SPON1: variants seen among roughly 807,000 people sequenced by gnomAD.
SPON1 encodes the protein spondin 1, also known as spondin-1.
SPON1 carries 52 observed loss-of-function variants against 111.7 expected under a neutral mutation model. That is an observed-to-expected ratio of 0.47 (90% confidence interval 0.37 to 0.59). The LOEUF is 0.59. Among genes scored for constraint, SPON1 ranks in the 20% least tolerant of loss-of-function variants. The probability of loss-of-function intolerance (pLI) is 0.00; values close to 1 mark genes in which losing one functional copy is unlikely to be tolerated. For synonymous variants in SPON1, 410 were observed against 395.8 expected (o/e 1.04, Z -0.43); for missense variants, 957 against 1,068.5 (o/e 0.90, Z 1.46).
In SPON1 at chr11:14,155,808, T is replaced by A. The variant is rs1192041557; in HGVS notation, c.825+20240T>A. Among the ~76,000 whole-genome samples the A allele has an allele frequency of 1.1e-4, 14 of 123,666 alleles. 3 individuals carry two copies. The highest frequency in any genetic ancestry group is 2.0e-4 in the Non-Finnish European group (11 of 54,944). 81.1% of individuals were successfully genotyped at this position (123,666 alleles called of 152,430 possible). A position where few individuals can be genotyped will look rare whatever the true frequency, so the allele number is the denominator to read the frequency against. On this transcript the variant is annotated intron_variant, in intron 6 of 15. Coordinates refer to ENST00000576479, the MANE Select transcript of SPON1 (RefSeq NM_006108.4). ...GAATAATGATTTCCAATTTCATCCA[T>A]GTCCCTCAAAGGACATGAACTCATC...
chr11:13,990,836 A>C (rs536301462), intron 2 of SPON1, among the ~76,000 whole-genome samples: 4 of 152,300 alleles, frequency 2.6e-5, no homozygotes, highest in Admixed American at 6.5e-5. Context: ...TATGAAGCTT[A>C]GTTTGGCTGG....
chr11:14,178,045 A>ACACACACACACACACAC (rs1848197407), intron 6 of SPON1, among the ~76,000 whole-genome samples: 44 of 142,698 alleles, frequency 3.1e-4, no homozygotes, highest in East Asian at 1.7e-3. Flanking sequence ...CACACACACA[A>ACACACACACACACACAC]ACACACACAC....
intron 2 of SPON1, among the ~76,000 whole-genome samples, chr11:14,011,631 C>T (rs1554913756): frequency 6.6e-6 from 1 of 152,126 alleles, no homozygotes; most frequent in African/African-American, 2.4e-5. Context: ...TTCTACATGG[C>T]TTATGAGGCC....
At chr11:14,250,819 T>C (rs914497671) in intron 7 of SPON1, among the ~76,000 whole-genome samples, 12 of 152,248 alleles carry the variant, frequency 7.9e-5, no homozygotes, top group African/African-American at 2.9e-4. Flanking sequence ...CATTTAATTA[T>C]TTTTATTATA....
At chr11:14,254,980 AG>A (rs1399105062) in intron 8 of SPON1, among the ~76,000 whole-genome samples, 11 of 152,312 alleles carry the variant, frequency 7.2e-5, no homozygotes, top group African/African-American at 2.2e-4. Context: ...AGCATTCCAA[AG>A]CCATGACTGC....
intron 6 of SPON1, among the ~76,000 whole-genome samples, chr11:14,201,137 G>A (rs945774289): frequency 7.2e-5 from 11 of 151,904 alleles, no homozygotes; most frequent in Non-Finnish European, 1.3e-4. Context: ...TCAGGAGGTC[G>A]AGACCATCCT....
chr11:14,200,766 G>A (rs1848452741), intron 6 of SPON1, among the ~76,000 whole-genome samples: 1 of 127,242 alleles, frequency 7.9e-6, no homozygotes, highest in South Asian at 2.6e-4. Context: ...AGTGAGCCAA[G>A]ATCACGCCAC....
intron 3 of SPON1, among the ~76,000 whole-genome samples, chr11:14,046,116 G>T (rs1362178001): frequency 6.6e-6 from 1 of 152,304 alleles, no homozygotes; most frequent in East Asian, 1.9e-4. Context: ...AATGGTGGGG[G>T]CAAAATAACA....
At chr11:14,097,054 A>G (rs1849107390) in intron 5 of SPON1, among the ~76,000 whole-genome samples, 1 of 152,022 alleles carries the variant, frequency 6.6e-6, no homozygotes, top group Non-Finnish European at 1.5e-5. Context: ...GCTTCCTTCC[A>G]TTGCTCACCT....
At chr11:14,115,288 G>A (rs1554925866) in intron 5 of SPON1, among the ~76,000 whole-genome samples, 2 of 152,244 alleles carry the variant, frequency 1.3e-5, no homozygotes, top group East Asian at 3.9e-4. Context: ...TTTTATTGAA[G>A]CATAACATAT....
At chr11:14,134,042 C>CTTTTTTTT (rs5789824) in intron 5 of SPON1, among the ~76,000 whole-genome samples, 1 of 142,026 alleles carries the variant, frequency 7.0e-6, no homozygotes, top group African/African-American at 2.6e-5. Flanking sequence ...TTCTTTCTTT[C>CTTTTTTTT]TTTTTTTTTT....
intron 6 of SPON1, among the ~76,000 whole-genome samples, chr11:14,236,086 G>T (rs1564937747): frequency 6.6e-6 from 1 of 152,168 alleles, no homozygotes. Context: ...GAGATGCAAA[G>T]CCACTGGAGG....
rs150335040 is a variant in SPON1 at position 14,067,612 on chromosome 11, T to C, written c.480-7733T>C. Among the ~76,000 whole-genome samples the C allele has an allele frequency of 1.1e-4, 16 of 152,330 alleles. No homozygotes were observed. The East Asian group carries it at 3.1e-3, about 29-fold the overall frequency. On this transcript the variant is annotated intron_variant, in intron 3 of 15. Coordinates refer to ENST00000576479, the MANE Select transcript of SPON1 (RefSeq NM_006108.4). ...CAAAACTTCCTCAGAAGGATCTCTT[T>C]TAGGTGTGCAGCTCTACTGCGAAGT...
chr11:14,153,411 C>T (rs868957082), intron 6 of SPON1, among the ~76,000 whole-genome samples: 8 of 152,096 alleles, frequency 5.3e-5, no homozygotes, highest in Admixed American at 3.3e-4. Context: ...GAAGGGGAAG[C>T]CAGCATGTCC....
chr11:14,257,578 C>T, intron 10 of SPON1, 138 bp from the exon 11 acceptor site: 1 of 644,618 alleles, frequency 1.6e-6, no homozygotes, highest in Non-Finnish European at 2.5e-6. Context: ...TGGCTGCTTC[C>T]ATCCCAGGAG....
chr11:14,209,896 A>G (rs1327661071), intron 6 of SPON1, among the ~76,000 whole-genome samples: 1 of 152,054 alleles, frequency 6.6e-6, no homozygotes, highest in African/African-American at 2.4e-5. Context: ...AAGCATTCCT[A>G]TTTCTCCACA....
chr11:14,143,639 T>A (rs10766145), intron 6 of SPON1, among the ~76,000 whole-genome samples: 59,080 of 151,244 alleles, frequency 0.39, 11,747 homozygotes, highest in East Asian at 0.55. Context: ...TGGGCAAGAA[T>A]TAGACTGAGT....
At chr11:14,168,661 C>G (rs1237808324) in intron 6 of SPON1, among the ~76,000 whole-genome samples, 1 of 151,120 alleles carries the variant, frequency 6.6e-6, no homozygotes, top group Non-Finnish European at 1.5e-5. Context: ...CCGCCCCCAC[C>G]CCACAACAGG....
chr11:14,096,765 T>C (rs782771554), intron 5 of SPON1, among the ~76,000 whole-genome samples: 14 of 152,200 alleles, frequency 9.2e-5, no homozygotes, highest in Non-Finnish European at 1.6e-4. Context: ...CCTTATAAAA[T>C]GTCCCTTCAT....
Sources: gnomAD v4.1 joint callset for allele counts (sites outside exome capture counted in the v4.1 genomes callset) on GRCh38, gnomAD v4.1.1 for gene constraint, MANE v1.5 for transcripts, NCBI Gene and HGNC (gene_info 2026-07-23, HGNC 2026-07-21) for gene names.